Variants in ESD observed in about 807,000 individuals in gnomAD.
ESD encodes esterase D.
Under a neutral mutation model 38.1 loss-of-function variants are expected in ESD, and 34 were observed. The observed-to-expected ratio is 0.89, with a 90% CI of 0.68 to 1.19. The LOEUF is 1.19. ESD is among the 50% of genes most tolerant of loss of function. The pLI, the probability that ESD is intolerant of heterozygous loss-of-function variation, is 0.00. For missense variants in ESD, 334 were observed against 327.2 expected (o/e 1.02, Z -0.16); for synonymous variants, 97 against 107.0 (o/e 0.91, Z 0.58).
intron 1 of ESD, among the ~76,000 whole-genome samples, chr13:46,794,121 C>T (rs1304420882): frequency 6.7e-6 from 1 of 149,786 alleles, no homozygotes; most frequent in Non-Finnish European, 1.5e-5. Context: ...GGGTGGAATA[C>T]CAAAAAACCA....
rs1348848526 is a variant in ESD at position 46,784,305 on chromosome 13, T to C, written c.203A>G (p.His68Arg). The C allele has an allele frequency of 2.5e-6, 4 of 1,611,800 alleles. No individual in the cohort carries two copies. Among genetic ancestry groups the C allele is most frequent in the Admixed American group, 3.3e-5 (2 of 59,810 alleles). The change falls in exon 5 of 10, where the codon CAT becomes CGT. Residue 68 changes from histidine to arginine, a missense_variant. By Grantham distance (29) the His-to-Arg change is conservative. Coordinates refer to ENST00000378720, the MANE Select transcript of ESD (RefSeq NM_001984.2). ...EQNFISKSGY[H>R]QSASEHGLVV... ...AAGACCATGTTCTGAAGCAGACTGA[T>C]GATAACCAGATTTTGATATAAAATT...
At chr13:46,782,473 A>C (rs1031676798) in intron 6 of ESD, among the ~76,000 whole-genome samples, 194 bp downstream of exon 6, 1 of 151,820 alleles carries the variant, frequency 6.6e-6, no homozygotes, top group African/African-American at 2.4e-5. Context: ...TCTCAATATA[A>C]TGATTATATT....
At chr13:46,775,686 G>A (rs1413332878) in intron 9 of ESD, 4 of 469,550 alleles carry the variant, frequency 8.5e-6, no homozygotes, top group Middle Eastern at 3.3e-4. Context: ...CTCTTAACCC[G>A]ACCATGCTGG....
At chr13:46,778,948 G>A (rs1329481154) in intron 8 of ESD, among the ~76,000 whole-genome samples, 1 of 151,518 alleles carries the variant, frequency 6.6e-6, no homozygotes, top group Non-Finnish European at 1.5e-5. Context: ...AATGAACCCT[G>A]AACACAGAAC....
chr13:46,775,757 C>T, intron 9 of ESD: 2 of 445,144 alleles, frequency 4.5e-6, no homozygotes, highest in South Asian at 3.3e-5. Flanking sequence ...GCTTTGAATA[C>T]TTTCTTACTT....
At chr13:46,776,758 T>C (rs1874812395) in intron 9 of ESD, 1 of 152,100 alleles carries the variant, frequency 6.6e-6, no homozygotes, top group Admixed American at 6.6e-5. Flanking sequence ...TAAAAATTTA[T>C]TTAAAAATCA....
rs1464477844 is a variant in ESD, at chr13:46,780,086, T to C, written c.502-53A>G. 4.1e-6 allele frequency: 5 copies of C among 1,213,972 alleles called. No individual in the cohort carries two copies. In the East Asian group the frequency reaches 7.8e-5, roughly 19 times the overall value. The allele number at this position is 1,213,972 out of a possible 1,614,324, so 75.2% of individuals were successfully genotyped here. On this transcript the variant is annotated intron_variant, in intron 7 of 9. Coordinates refer to ENST00000378720, the MANE Select transcript of ESD (RefSeq NM_001984.2). ...AAGTTATATTTTGCTAAATTAAATATGAATAGATATTTGCAACTTACTTAA... is the reference window on the plus strand; with the variant it reads ...AAGTTATATTTTGCTAAATTAAATACGAATAGATATTTGCAACTTACTTAA...
At chr13:46,791,047 G>T (rs1342760620) in intron 3 of ESD, among the ~76,000 whole-genome samples, 1 of 152,110 alleles carries the variant, frequency 6.6e-6, no homozygotes, top group Non-Finnish European at 1.5e-5. Context: ...TACACTTAGA[G>T]ATCCTCAAAG....
Position 46,791,333 on chromosome 13 carries a change from T to G in ESD, c.68+13A>C, listed in dbSNP as rs1228168490. ...GAATGAGGTATCTAAAATTATATCT[T>G]CTTAATAGTTACCTGTCATGTTCAA... On this transcript the variant is annotated intron_variant, in intron 3 of 9. Coordinates refer to ENST00000378720, the MANE Select transcript of ESD (RefSeq NM_001984.2). 1.9e-6 allele frequency: 3 copies of G among 1,597,366 alleles called. No individual in the cohort carries two copies. Among genetic ancestry groups the G allele is most frequent in the African/African-American group, 1.3e-5 (1 of 74,478 alleles).
In ESD at chr13:46,777,602, C is replaced by A; in HGVS notation, c.622G>T (p.Val208Leu). 6.2e-7 allele frequency: 1 copy of A among 1,605,886 alleles called. No homozygotes were observed. Among genetic ancestry groups the A allele is most frequent in the Non-Finnish European group, 8.5e-7 (1 of 1,175,900 alleles). ...AGCTGAGATCCTGGATAGGATTTCA[C>A]AAGGTGGGTAGCATCATAAGCCTGT... ...KWKAYDATHL[V>L]KSYPGSQLDI... The change falls in exon 9 of 10, where the codon GTG becomes TTG. Residue 208 changes from valine (V) to leucine (L), a missense_variant. Transcript: ENST00000378720.
intron 2 of ESD, among the ~76,000 whole-genome samples, chr13:46,793,167 T>C (rs760285471): frequency 1.6e-4 from 25 of 152,128 alleles, no homozygotes; most frequent in Admixed American, 5.2e-4. Flanking sequence ...TTAGAAACTA[T>C]CTTTAATTAC....
chr13:46,781,585 C>T lies in ESD; in HGVS notation c.412G>A (p.Val138Met). 6.2e-7 allele frequency: 1 copy of T among 1,608,576 alleles called. No homozygotes were observed. The highest frequency in any genetic ancestry group is 8.5e-7 in the Non-Finnish European group (1 of 1,176,142). The change falls in exon 7 of 10, where the codon GTG becomes ATG. Residue 138 changes from valine (V) to methionine (M), a missense_variant. Val to Met is a conservative substitution (Grantham distance 21). Transcript: ENST00000378720. ...AAAATAGACATCCTTTGGGGATCCACTGGAAAATTGGCATTTATGAGTTGG... is the reference window on the plus strand; with the variant it reads ...AAAATAGACATCCTTTGGGGATCCATTGGAAAATTGGCATTTATGAGTTGG... ...LPQLINANFPVDPQRMSIFGH... is the reference protein window; with the variant it reads ...LPQLINANFPMDPQRMSIFGH...
intron 9 of ESD, chr13:46,775,963 T>C (rs1401526354): frequency 4.8e-5 from 11 of 227,654 alleles, no homozygotes; most frequent in African/African-American, 1.6e-4. Flanking sequence ...GGCAGAATCA[T>C]TGTAGAAACA....
In ESD at chr13:46,782,779, A is replaced by T; in HGVS notation, c.269T>A (p.Ile90Asn). The T allele has an allele frequency of 1.9e-6, 3 of 1,612,094 alleles. No individual in the cohort carries two copies. Among genetic ancestry groups the T allele is most frequent in the Non-Finnish European group, 2.5e-6 (3 of 1,178,710 alleles). Residue 90 changes from isoleucine (I) to asparagine (N), a missense_variant, in exon 6 of 10, where the codon ATT becomes AAT. Physicochemically the swap from Ile to Asn is moderately radical, Grantham distance 149 (BLOSUM62 -3). Coordinates refer to ENST00000378720, the MANE Select transcript of ESD (RefSeq NM_001984.2). Reference protein sequence around the residue: ...APDTSPRGCNIKGEDESWDFG... With the variant: ...APDTSPRGCNNKGEDESWDFG... ...GTCCCAGCTCTCATCTTCACCTTTA[A>T]TATTGCAGCCACCTATCAAGAAACA...
chr13:46,795,701 C>T (rs898682786), intron 1 of ESD, among the ~76,000 whole-genome samples: 1 of 151,986 alleles, frequency 6.6e-6, no homozygotes, highest in Admixed American at 6.6e-5. Flanking sequence ...GAATAAAACT[C>T]CATATAAACT....
At chr13:46,782,860 A>G in intron 5 of ESD, 69 bp from the exon 6 acceptor site, 1 of 1,567,610 alleles carries the variant, frequency 6.4e-7, no homozygotes, top group Non-Finnish European at 8.7e-7. Context: ...ACACACTTTC[A>G]GATGAATCTG....
intron 5 of ESD, 88 bp from the exon 6 acceptor site, chr13:46,782,879 T>TGGAC: frequency 2.0e-6 from 3 of 1,481,476 alleles, no homozygotes; most frequent in Non-Finnish European, 2.8e-6. Context: ...TGCAAGTCCA[T>TGGAC]TTGCATGGGA....
At chr13:46,784,422 T>A in intron 4 of ESD, 72 bp from the exon 5 acceptor site, 1 of 1,060,128 alleles carries the variant, frequency 9.4e-7, no homozygotes, top group Non-Finnish European at 1.4e-6. Context: ...TGGGGACTAT[T>A]AGAGCAGGGG....
chr13:46,781,578 G>T lies in ESD; in HGVS notation c.419C>A (p.Pro140His). ...QLINANFPVDPQRMSIFGHSM... is the reference protein window; with the variant it reads ...QLINANFPVDHQRMSIFGHSM... ...GTGGCCAAAAATAGACATCCTTTGG[G>T]GATCCACTGGAAAATTGGCATTTAT... Residue 140 changes from proline to histidine, a missense_variant, in exon 7 of 10, where the codon CCC (proline) becomes CAC (histidine). Pro to His is a moderately conservative substitution (Grantham distance 77). Coordinates refer to ENST00000378720, the MANE Select transcript of ESD (RefSeq NM_001984.2). The T allele has an allele frequency of 1.2e-6, 2 of 1,608,320 alleles. No individual in the cohort carries two copies. The highest frequency in any genetic ancestry group is 2.2e-5 in the South Asian group (2 of 90,834).
Sources: gnomAD v4.1 joint callset for allele counts (sites outside exome capture counted in the v4.1 genomes callset) on GRCh38, gnomAD v4.1.1 for gene constraint, MANE v1.5 for transcripts, NCBI Gene and HGNC (gene_info 2026-07-23, HGNC 2026-07-21) for gene names.